Variants in SMARCAD1 observed in about 807,000 individuals in gnomAD.
SMARCAD1 encodes SNF2 related chromatin remodeling ATPase with DExD box 1.
SMARCAD1 carries 25 observed loss-of-function variants against 127.1 expected under a neutral mutation model. The ratio of observed to expected loss-of-function variants is 0.20; its 90% CI spans 0.14 to 0.27. The LOEUF (loss-of-function observed/expected upper bound fraction) is 0.27. SMARCAD1 is among the 10% of genes least tolerant of loss of function. SMARCAD1 has a pLI of 1.00. For missense variants in SMARCAD1, 807 were observed against 1,206.0 expected (o/e 0.67, Z 4.90); for synonymous variants, 400 against 396.9 (o/e 1.01, Z -0.09).
rs774037475 is a variant in SMARCAD1 at position 94,252,657 on chromosome 4, G to C, written c.931G>C (p.Glu311Gln). The C allele has an allele frequency of 1.3e-6, 2 of 1,575,748 alleles. No individual in the cohort carries two copies. The highest frequency in any genetic ancestry group is 1.9e-5 in the Admixed American group (1 of 51,826). The change falls in exon 9 of 24, where the codon GAA (glutamate) becomes CAA (glutamine). Residue 311 changes from glutamate (E) to glutamine (Q), a missense_variant. This residue lies in a region of SMARCAD1 where 257 missense variants were observed against 303.4 expected (regional missense o/e 0.85). Transcript: ENST00000354268. ...ACAAAGTGAGGTTCCAAATGGAAAA[G>C]AAGTTTCTTCAAGAAGTCAAAATTA... is the stretch of plus-strand genomic sequence containing the variant. ...VSQSEVPNGK[E>Q]VSSRSQNYPK...
chr4:94,281,313 G>A lies in SMARCAD1; in HGVS notation c.2608-159G>A, dbSNP rs879139042. Among the ~76,000 whole-genome samples, 7 of 152,112 alleles carry A rather than the reference G, an allele frequency of 4.6e-5. No individual in the cohort carries two copies. The South Asian group carries it at 6.2e-4, about 14-fold the overall frequency. On this transcript the variant is annotated intron_variant, in intron 20 of 23. Transcript: ENST00000354268. The stretch of plus-strand genomic sequence containing the variant: ...AGGCTGCAATAAGACATACGTCTTC[G>A]GTATTACTGATTTGTATTAAAGAAG...
chr4:94,208,329 T>C lies in SMARCAD1; in HGVS notation c.-49-17T>C, dbSNP rs1403975340. 3 of 1,543,730 alleles carry C rather than the reference T, an allele frequency of 1.9e-6. No homozygotes were observed. The highest frequency in any genetic ancestry group is 2.7e-6 in the Non-Finnish European group (3 of 1,117,672). ...GTTTTCATGGCCTTTTTTCCTCTCTTTATTTTTCCCCTGCAGATAGTTCAT... is the reference window on the plus strand; with the variant it reads ...GTTTTCATGGCCTTTTTTCCTCTCTCTATTTTTCCCCTGCAGATAGTTCAT... On this transcript the variant is annotated splice_polypyrimidine_tract_variant and intron_variant, in intron 1 of 23. Coordinates refer to ENST00000354268, the MANE Select transcript of SMARCAD1 (RefSeq NM_020159.5).
intron 8 of SMARCAD1, among the ~76,000 whole-genome samples, chr4:94,251,669 A>G (rs1275546719): frequency 6.6e-6 from 1 of 152,170 alleles, no homozygotes; most frequent in Admixed American, 6.5e-5. Context: ...TAAGTCTAAT[A>G]GCTTTCTGAG....
At chr4:94,257,674 T>A (rs1750312340) in intron 9 of SMARCAD1, among the ~76,000 whole-genome samples, 1 of 152,110 alleles carries the variant, frequency 6.6e-6, no homozygotes, top group Non-Finnish European at 1.5e-5. Flanking sequence ...ATAGGCTTGT[T>A]CTCCGCCCCC....
intron 2 of SMARCAD1, among the ~76,000 whole-genome samples, chr4:94,210,860 G>C (rs1197497513): frequency 6.7e-6 from 1 of 150,252 alleles, no homozygotes; most frequent in Non-Finnish European, 1.5e-5. Context: ...CTTGAACCTG[G>C]GAGGCAGAGG....
At chr4:94,275,581 A>G (rs886968918) in intron 14 of SMARCAD1, among the ~76,000 whole-genome samples, 9 of 152,122 alleles carry the variant, frequency 5.9e-5, no homozygotes, top group African/African-American at 2.2e-4. Context: ...CTCCATATGC[A>G]GTCTCAAGCT....
intron 2 of SMARCAD1, among the ~76,000 whole-genome samples, chr4:94,210,394 T>A (rs1481188877): frequency 6.6e-6 from 1 of 152,260 alleles, no homozygotes; most frequent in African/African-American, 2.4e-5. Flanking sequence ...GATTTTACAT[T>A]GTAAGTATTA....
chr4:94,265,821 A>G (rs1036052571), intron 10 of SMARCAD1, among the ~76,000 whole-genome samples: 1 of 152,054 alleles, frequency 6.6e-6, no homozygotes, highest in Non-Finnish European at 1.5e-5. Flanking sequence ...ATGTTACACA[A>G]CTTTCAAAAT....
chr4:94,225,517 TA>T (rs139441785), intron 2 of SMARCAD1, among the ~76,000 whole-genome samples: 1,596 of 152,280 alleles, frequency 0.01, 24 homozygotes, highest in African/African-American at 0.036. Flanking sequence ...ATTACCTTTT[TA>T]GAGGCCTCAT....
intron 2 of SMARCAD1, among the ~76,000 whole-genome samples, chr4:94,209,273 TTC>T (rs1741797857): frequency 6.6e-6 from 1 of 152,220 alleles, no homozygotes; most frequent in South Asian, 2.1e-4. Context: ...GTGCTTCACC[TTC>T]TGTCATTTAA....
chr4:94,223,755 TTTTTTA>T (rs2125827072), intron 2 of SMARCAD1, among the ~76,000 whole-genome samples: 2 of 53,194 alleles, frequency 3.8e-5, no homozygotes, highest in East Asian at 2.4e-3. Flanking sequence ...TTTTTTTTTT[TTTTTTA>T]AAGTAGAGAC....
intron 11 of SMARCAD1, among the ~76,000 whole-genome samples, chr4:94,271,316 C>T (rs1752509972): frequency 6.6e-6 from 1 of 152,148 alleles, no homozygotes; most frequent in African/African-American, 2.4e-5. Flanking sequence ...TTAGCGGTCT[C>T]TCCGGGTCTC....
chr4:94,236,867 A>G, intron 4 of SMARCAD1, 85 bp from the exon 5 acceptor site: 1 of 1,046,154 alleles, frequency 9.6e-7, no homozygotes, highest in Admixed American at 1.7e-5. Flanking sequence ...GTTTATATTT[A>G]ATATGTTTGT....
At chr4:94,272,265 C>T (rs1752643057) in intron 11 of SMARCAD1, among the ~76,000 whole-genome samples, 1 of 152,192 alleles carries the variant, frequency 6.6e-6, no homozygotes, top group Non-Finnish European at 1.5e-5. Flanking sequence ...TTTGAGGTTA[C>T]GACTCCAACG....
chr4:94,253,018 A>G lies in SMARCAD1; in HGVS notation c.1281+11A>G. 1 of 1,609,722 alleles carries G rather than the reference A, an allele frequency of 6.2e-7. No homozygotes were observed. Among genetic ancestry groups the G allele is most frequent in the Non-Finnish European group, 8.5e-7 (1 of 1,179,976 alleles). ...AGTTGGGAGGCTCTGGTAAGGCTTT[A>G]TTCTTTTTTTCCCCTTGTATGTGTG... On this transcript the variant is annotated intron_variant, in intron 9 of 23. Transcript: ENST00000354268.
Position 94,207,889 on chromosome 4 carries a change from G to C in SMARCAD1, c.-231G>C, listed in dbSNP as rs1316461602. ...CGCGTCAACTTCCGGGCGGATGCCC[G>C]CCAGCACGGCCTCCGCCGCTCCCCT... On this transcript the variant is annotated 5_prime_UTR_variant, in exon 1 of 24. Transcript: ENST00000354268. The C allele has an allele frequency of 3.0e-6, 1 of 332,028 alleles. No homozygotes were observed. Among genetic ancestry groups the C allele is most frequent in the Non-Finnish European group, 5.9e-6 (1 of 169,714 alleles). 20.6% of individuals were successfully genotyped at this position (332,028 alleles called of 1,614,324 possible).
In SMARCAD1 at chr4:94,280,757, A is replaced by G; in HGVS notation, c.2584A>G (p.Ile862Val). The change falls in exon 20 of 24, where the codon ATC (isoleucine) becomes GTC (valine). Residue 862 changes from isoleucine to valine, a missense_variant. Physicochemically the swap from Ile to Val is conservative, Grantham distance 29. Transcript: ENST00000354268. ...TGGAAAATTTCGAGTTTTAGGATGC[A>G]TCTTGTCTGAATTGAAACAGAAGGT... is the stretch of plus-strand genomic sequence containing the variant. ...DSGKFRVLGC[I>V]LSELKQKGDR... 1.2e-6 allele frequency: 2 copies of G among 1,613,696 alleles called. No homozygotes were observed. Among genetic ancestry groups the G allele is most frequent in the African/African-American group, 1.3e-5 (1 of 75,032 alleles).
intron 21 of SMARCAD1, among the ~76,000 whole-genome samples, chr4:94,282,684 CTAAAGGTAAAAGTAATGTT>C (rs1157872084): frequency 1.1e-4 from 17 of 150,678 alleles, no homozygotes; most frequent in Non-Finnish European, 2.5e-4. Flanking sequence ...CCGCATTAGA[CTAAAGGTAAAAGTAATGTT>C]TTTTTTTTTT....
chr4:94,278,399 G>A (rs763912999), intron 16 of SMARCAD1, 23 bp from the exon 17 acceptor site: 5 of 1,568,730 alleles, frequency 3.2e-6, no homozygotes, highest in Middle Eastern at 1.7e-4. Flanking sequence ...ATTCCTAAAA[G>A]GATATGTTTT....
Sources: allele counts gnomAD v4.1 joint callset (sites outside exome capture counted in the v4.1 genomes callset), GRCh38; gene constraint gnomAD v4.1.1; regional missense constraint gnomAD v4.1.1; transcripts MANE v1.5; gene names NCBI Gene and HGNC (gene_info 2026-07-23, HGNC 2026-07-21).